Variants in GALNT13 observed in about 807,000 individuals in gnomAD.
GALNT13 encodes the protein UDP-GalNAc:polypeptide N-acetylgalactosaminyltransferase 13.
GALNT13 carries 28 observed loss-of-function variants against 64.2 expected under a neutral mutation model. That is an observed-to-expected ratio of 0.44 (90% confidence interval 0.32 to 0.60). The LOEUF is 0.60. GALNT13 is among the 20% of genes least tolerant of loss of function. The probability of loss-of-function intolerance (pLI) is 0.05; values close to 1 mark genes in which losing one functional copy is unlikely to be tolerated. For synonymous variants in GALNT13, 214 were observed against 224.6 expected (o/e 0.95, Z 0.42); for missense variants, 577 against 669.8 (o/e 0.86, Z 1.53).
At chr2:153,257,769 C>T in the GALNT13 span, among the ~76,000 whole-genome samples, 1 of 152,186 alleles carries the variant, frequency 6.6e-6, no homozygotes, top group Non-Finnish European at 1.5e-5. Context: ...TAACTTATGG[C>T]AATATAGTTA....
chr2:153,114,416 C>T, the GALNT13 span, among the ~76,000 whole-genome samples: 1 of 152,096 alleles, frequency 6.6e-6, no homozygotes, highest in African/African-American at 2.4e-5. Context: ...TATTTGTTGT[C>T]AGCAGTCTGA....
the GALNT13 span, among the ~76,000 whole-genome samples, chr2:153,524,776 A>T: frequency 6.6e-6 from 1 of 152,186 alleles, no homozygotes; most frequent in Non-Finnish European, 1.5e-5. Context: ...CATGGGCTAA[A>T]GGAGCTCTGG....
At chr2:153,595,551 TTAAAA>T in the GALNT13 span, among the ~76,000 whole-genome samples, 2 of 151,996 alleles carry the variant, frequency 1.3e-5, no homozygotes, top group African/African-American at 4.8e-5. Context: ...TAAATTCTAA[TTAAAA>T]TAAGAATGAA....
At chr2:154,040,693 G>A (rs1212589705) in intron 3 of GALNT13, among the ~76,000 whole-genome samples, 1 of 139,976 alleles carries the variant, frequency 7.1e-6, no homozygotes, top group African/African-American at 2.5e-5. Context: ...TGCTTATTTG[G>A]GAAGCAGATT....
At chr2:153,709,910 T>C in the GALNT13 span, among the ~76,000 whole-genome samples, 1 of 151,944 alleles carries the variant, frequency 6.6e-6, no homozygotes, top group East Asian at 1.9e-4. Context: ...CATGTCCTCA[T>C]TTATAAATGG....
chr2:153,152,403 C>T, the GALNT13 span, among the ~76,000 whole-genome samples: 1 of 151,838 alleles, frequency 6.6e-6, no homozygotes, highest in African/African-American at 2.4e-5. Context: ...CTTTATTCCA[C>T]ACACTTTCTT....
At chr2:154,228,961 C>T (rs772296424) in intron 4 of GALNT13, among the ~76,000 whole-genome samples, 7 of 152,192 alleles carry the variant, frequency 4.6e-5, no homozygotes, top group Middle Eastern at 3.4e-3. Context: ...GGGTCAGTTT[C>T]ACTACCTGCT....
the GALNT13 span, among the ~76,000 whole-genome samples, chr2:153,097,383 A>T: frequency 6.6e-6 from 1 of 151,946 alleles, no homozygotes; most frequent in African/African-American, 2.4e-5. Flanking sequence ...GTGATTATTT[A>T]TTTCTCATTA....
intron 3 of GALNT13, among the ~76,000 whole-genome samples, chr2:154,116,582 C>T (rs1681577651): frequency 6.6e-6 from 1 of 152,154 alleles, no homozygotes; most frequent in Non-Finnish European, 1.5e-5. Context: ...TGGTTCTCTA[C>T]ATACAGTCAA....
At chr2:153,425,859 A>T in the GALNT13 span, among the ~76,000 whole-genome samples, 1 of 151,930 alleles carries the variant, frequency 6.6e-6, no homozygotes, top group African/African-American at 2.4e-5. Context: ...GTTTAGTAAT[A>T]TGAGATTAGC....
chr2:153,939,703 T>C (rs1167763279), intron 2 of GALNT13, among the ~76,000 whole-genome samples: 2 of 152,214 alleles, frequency 1.3e-5, no homozygotes, highest in African/African-American at 4.8e-5. Flanking sequence ...TTTTTCTTGC[T>C]CTTAGAATGA....
the GALNT13 span, among the ~76,000 whole-genome samples, chr2:153,790,256 T>A: frequency 6.6e-6 from 1 of 152,184 alleles, no homozygotes; most frequent in Non-Finnish European, 1.5e-5. Context: ...ACTTTATCCC[T>A]GGGATGCAAG....
chr2:154,251,234 G>T (rs1030002310), intron 7 of GALNT13, among the ~76,000 whole-genome samples: 3 of 151,892 alleles, frequency 2.0e-5, no homozygotes, highest in Non-Finnish European at 4.4e-5. Context: ...GATCCCAGCT[G>T]GCCCCATTGT....
At chr2:154,275,800 A>G (rs1293078103) in intron 8 of GALNT13, among the ~76,000 whole-genome samples, 1 of 152,190 alleles carries the variant, frequency 6.6e-6, no homozygotes, top group Non-Finnish European at 1.5e-5. Context: ...TGGAAAAGCC[A>G]CAGACAATCA....
At chr2:153,590,933 C>G in the GALNT13 span, among the ~76,000 whole-genome samples, 1 of 151,988 alleles carries the variant, frequency 6.6e-6, no homozygotes, top group East Asian at 1.9e-4. Context: ...ATTTTCACCA[C>G]TCCTATTCAA....
chr2:153,366,708 C>A, the GALNT13 span, among the ~76,000 whole-genome samples: 37 of 139,536 alleles, frequency 2.7e-4, no homozygotes, highest in African/African-American at 9.9e-4. Context: ...AGGGTCAATA[C>A]CAGCACACAG....
intron 2 of GALNT13, among the ~76,000 whole-genome samples, chr2:153,942,691 T>TTATATA (rs10642626): frequency 0.012 from 1,731 of 150,434 alleles, 12 homozygotes; most frequent in South Asian, 0.023. Context: ...TATCTCTCCA[T>TTATATA]TATATATATA....
the GALNT13 span, among the ~76,000 whole-genome samples, chr2:153,345,239 T>C: frequency 6.6e-6 from 1 of 152,214 alleles, no homozygotes; most frequent in Non-Finnish European, 1.5e-5. Context: ...TTCTGACTAT[T>C]GTAGTCTAGC....
intron 1 of GALNT13, among the ~76,000 whole-genome samples, chr2:153,872,778 C>T (rs979699194): frequency 1.3e-5 from 2 of 152,100 alleles, no homozygotes; most frequent in African/African-American, 4.8e-5. Context: ...ACCAGGCGCT[C>T]CCTGGGTCTT....
Sources: gnomAD v4.1 joint callset for allele counts (sites outside exome capture counted in the v4.1 genomes callset) on GRCh38, gnomAD v4.1.1 for gene constraint, MANE v1.5 for transcripts, NCBI Gene and HGNC (gene_info 2026-07-23, HGNC 2026-07-21) for gene names.